The following GPR39 variants were observed in gnomAD, a reference collection of about 807,000 sequenced individuals.
GPR39 encodes G protein-coupled receptor 39, also known as zinc sensing receptor.
GPR39 carries 23 observed loss-of-function variants against 18.4 expected under a neutral mutation model. The observed-to-expected ratio is 1.25, with a 90% CI of 0.90 to 1.77. GPR39 has a LOEUF of 1.77. Ranked by LOEUF, GPR39 falls within the 40% of genes most tolerant of loss-of-function variation. The pLI is 0.00. For synonymous variants in GPR39, 280 were observed against 257.9 expected (o/e 1.09, Z -0.82); for missense variants, 647 against 602.4 (o/e 1.07, Z -0.78).
intron 1 of GPR39, among the ~76,000 whole-genome samples, chr2:132,523,196 G>A (rs969346158): frequency 6.6e-6 from 1 of 152,172 alleles, no homozygotes; most frequent in African/African-American, 2.4e-5. Flanking sequence ...CTGAAGTTAG[G>A]TATTCACCTG....
chr2:132,481,199 G>T (rs1229606755), intron 1 of GPR39, among the ~76,000 whole-genome samples: 2 of 152,160 alleles, frequency 1.3e-5, no homozygotes, highest in African/African-American at 4.8e-5. Context: ...TTTACTTTAG[G>T]CATTTCACAG....
chr2:132,633,272 T>C (rs1681683829), intron 1 of GPR39, among the ~76,000 whole-genome samples: 1 of 152,012 alleles, frequency 6.6e-6, no homozygotes. Flanking sequence ...CTACCTTCTA[T>C]CAATTTCCCC....
chr2:132,571,712 C>T (rs539721628), intron 1 of GPR39, among the ~76,000 whole-genome samples: 2 of 152,186 alleles, frequency 1.3e-5, no homozygotes, highest in East Asian at 3.9e-4. Context: ...GAAGTGTGAA[C>T]AGTGTCAAAG....
intron 1 of GPR39, among the ~76,000 whole-genome samples, chr2:132,492,506 CATATATACCATAT>C (rs1344548819): frequency 2.2e-5 from 3 of 135,942 alleles, no homozygotes; most frequent in Non-Finnish European, 4.7e-5. Flanking sequence ...ATATACACAC[CATATATACCATAT>C]ATATACACCA....
At chr2:132,623,098 C>T (rs890171401) in intron 1 of GPR39, among the ~76,000 whole-genome samples, 17 of 152,002 alleles carry the variant, frequency 1.1e-4, no homozygotes, top group African/African-American at 3.9e-4. Flanking sequence ...GGTGACAAAG[C>T]GAGACTCTGT....
At chr2:132,548,091 G>C (rs879757797) in intron 1 of GPR39, among the ~76,000 whole-genome samples, 8 of 152,012 alleles carry the variant, frequency 5.3e-5, no homozygotes, top group Non-Finnish European at 8.8e-5. Flanking sequence ...GTTCTTAAAT[G>C]AACTACTCTA....
chr2:132,611,906 A>G (rs16838110), intron 1 of GPR39, among the ~76,000 whole-genome samples: 6,068 of 152,290 alleles, frequency 0.04, 368 homozygotes, highest in African/African-American at 0.13. Flanking sequence ...AGCCTTTATC[A>G]TGCTGAATAA....
intron 1 of GPR39, among the ~76,000 whole-genome samples, chr2:132,442,635 G>A (rs1573604358): frequency 1.3e-5 from 2 of 152,324 alleles, no homozygotes; most frequent in Middle Eastern, 3.4e-3. Context: ...CAGCAAAACT[G>A]CTTAGGTAAG....
chr2:132,489,585 C>T (rs575408969), intron 1 of GPR39, among the ~76,000 whole-genome samples: 27 of 152,026 alleles, frequency 1.8e-4, no homozygotes, highest in South Asian at 8.3e-4. Flanking sequence ...CTGCAGGTAC[C>T]GGGTAAGGAA....
chr2:132,605,586 T>C (rs1339933781), intron 1 of GPR39, among the ~76,000 whole-genome samples: 4 of 152,176 alleles, frequency 2.6e-5, no homozygotes, highest in Admixed American at 2.6e-4. Context: ...GGAAGATGGG[T>C]GCCCGCAGGA....
chr2:132,448,680 C>A (rs914094711), intron 1 of GPR39, among the ~76,000 whole-genome samples: 4 of 152,168 alleles, frequency 2.6e-5, no homozygotes, highest in African/African-American at 9.7e-5. Context: ...AGAGACCCAC[C>A]AGATGAAAAT....
intron 1 of GPR39, among the ~76,000 whole-genome samples, chr2:132,574,058 C>A (rs1177294305): frequency 6.6e-6 from 1 of 152,104 alleles, no homozygotes; most frequent in East Asian, 1.9e-4. Context: ...CATTGTAAAC[C>A]AATGCCATTT....
intron 1 of GPR39, among the ~76,000 whole-genome samples, chr2:132,439,485 T>A (rs1680395926): frequency 6.6e-6 from 1 of 152,164 alleles, no homozygotes; most frequent in Admixed American, 6.5e-5. Flanking sequence ...ACAGGAAAAT[T>A]AGATGCCTTT....
At chr2:132,468,117 T>C (rs1573616568) in intron 1 of GPR39, among the ~76,000 whole-genome samples, 2 of 152,206 alleles carry the variant, frequency 1.3e-5, no homozygotes, top group Non-Finnish European at 2.9e-5. Context: ...TCTTTTTTTT[T>C]CTGCTAATAT....
Position 132,642,129 on chromosome 2 carries a change from T to C in GPR39, c.857-2972T>C, listed in dbSNP as rs571575113. On this transcript the variant is annotated intron_variant, in intron 1 of 1. Coordinates refer to ENST00000329321, the MANE Select transcript of GPR39 (RefSeq NM_001508.3). ...AGAAACTGGCTTAGGAAAAACTCAG[T>C]AATAAATATTCTGCATTATTATAGG... is the stretch of plus-strand genomic sequence containing the variant. Among the ~76,000 whole-genome samples, 15 of 152,350 alleles carry C rather than the reference T, an allele frequency of 9.8e-5. 1 individual carries two copies. The highest frequency in any genetic ancestry group is 5.2e-4 in the Admixed American group (8 of 15,306).
intron 1 of GPR39, among the ~76,000 whole-genome samples, chr2:132,554,898 G>A (rs1039946362): frequency 9.9e-5 from 15 of 151,780 alleles, no homozygotes; most frequent in African/African-American, 3.6e-4. Context: ...TTTCATACGT[G>A]TTTGTACCGT....
chr2:132,484,092 T>G (rs1005371794), intron 1 of GPR39, among the ~76,000 whole-genome samples: 7 of 152,206 alleles, frequency 4.6e-5, no homozygotes, highest in African/African-American at 1.7e-4. Flanking sequence ...TTCAGTTCCT[T>G]AGGCAACTCT....
intron 1 of GPR39, among the ~76,000 whole-genome samples, chr2:132,592,758 A>G (rs1680869714): frequency 6.6e-6 from 1 of 152,174 alleles, no homozygotes; most frequent in African/African-American, 2.4e-5. Flanking sequence ...GCTAAAACTA[A>G]TGTTAGACTG....
intron 1 of GPR39, among the ~76,000 whole-genome samples, chr2:132,586,405 T>A (rs1680733581): frequency 1.3e-5 from 2 of 152,178 alleles, no homozygotes; most frequent in South Asian, 4.1e-4. Context: ...AGGCAAGGCG[T>A]GCTGGCTGAC....
Sources: allele counts gnomAD v4.1 joint callset (sites outside exome capture counted in the v4.1 genomes callset), GRCh38; gene constraint gnomAD v4.1.1; transcripts MANE v1.5; gene names NCBI Gene and HGNC (gene_info 2026-07-23, HGNC 2026-07-21).